The following THSD7A variants were observed in gnomAD, a reference collection of about 807,000 sequenced individuals.
The protein encoded by THSD7A is thrombospondin type-1 domain-containing protein 7A.
In THSD7A, 96 loss-of-function variants were observed where a neutral mutation model predicts 231.3. The ratio of observed to expected loss-of-function variants is 0.41; its 90% CI spans 0.35 to 0.49. The LOEUF is 0.49. THSD7A is among the 20% of genes least tolerant of loss of function. The probability of loss-of-function intolerance (pLI) is 0.05; values close to 1 mark genes in which losing one functional copy is unlikely to be tolerated. For synonymous variants in THSD7A, 940 were observed against 743.3 expected, an observed-to-expected ratio of 1.26 and a Z score of -4.30; for missense variants, 2,290 against 2,070.2, an observed-to-expected ratio of 1.11 and a Z score of -2.06.
intron 14 of THSD7A, among the ~76,000 whole-genome samples, chr7:11,427,826 A>C (rs1784368314): frequency 6.6e-6 from 1 of 152,172 alleles, no homozygotes; most frequent in Non-Finnish European, 1.5e-5. Flanking sequence ...TTAGAAATGC[A>C]AAATGCTCTG....
intron 26 of THSD7A, 130 bp from the exon 27 acceptor site, chr7:11,376,787 C>G (rs1782293009): frequency 1.9e-6 from 1 of 528,894 alleles, no homozygotes; most frequent in Non-Finnish European, 3.2e-6. Context: ...ATTGCTTCAG[C>G]ACAGTTAATG....
intron 16 of THSD7A, among the ~76,000 whole-genome samples, chr7:11,422,057 A>G (rs1356492384): frequency 6.6e-6 from 1 of 152,174 alleles, no homozygotes; most frequent in Non-Finnish European, 1.5e-5. Flanking sequence ...TATATTAGAG[A>G]TACACGGTGT....
At chr7:11,423,838 A>C (rs1047114114) in intron 16 of THSD7A, among the ~76,000 whole-genome samples, 2 of 152,206 alleles carry the variant, frequency 1.3e-5, no homozygotes, top group Non-Finnish European at 2.9e-5. Context: ...TTTGTTTCAT[A>C]GAGTTCTAGA....
chr7:11,487,555 G>T (rs574909448), intron 6 of THSD7A, among the ~76,000 whole-genome samples: 3 of 152,012 alleles, frequency 2.0e-5, no homozygotes, highest in Non-Finnish European at 4.4e-5. Context: ...TTTTCATGCT[G>T]CTAATCAAGA....
chr7:11,635,490 T>A (rs922711512), intron 2 of THSD7A, among the ~76,000 whole-genome samples: 6 of 152,214 alleles, frequency 3.9e-5, no homozygotes, highest in African/African-American at 1.4e-4. Context: ...TACCCAAAGA[T>A]AATTTGTTAA....
Position 11,590,165 on chromosome 7 carries a change from G to C in THSD7A, c.1453+295C>G, listed in dbSNP as rs576990344. ...TGTGTATATTTACAGATAAATTTTC[G>C]TCTAGTTTTTACATTATTCCTGCTA... On this transcript the variant is annotated intron_variant, in intron 4 of 27. Coordinates refer to ENST00000423059, the MANE Select transcript of THSD7A (RefSeq NM_015204.3). This position sits in a 1 kb window ranked among gnomAD's most constrained non-coding sequence, Gnocchi z 4.4. 3.3e-5 allele frequency among the ~76,000 whole-genome samples: 5 copies of C among 151,910 alleles called. No homozygotes were observed. Among genetic ancestry groups the C allele is most frequent in the African/African-American group, 9.7e-5 (4 of 41,344 alleles).
intron 1 of THSD7A, chr7:11,821,406 TTTTC>T (rs890958657): frequency 1.3e-4 from 44 of 343,306 alleles, no homozygotes; most frequent in East Asian, 2.6e-4. Context: ...AGCCCTTTTT[TTTTC>T]TTTTATTTTT....
At chr7:11,472,249 T>G (rs1319912427) in intron 8 of THSD7A, among the ~76,000 whole-genome samples, 2 of 152,128 alleles carry the variant, frequency 1.3e-5, no homozygotes, top group African/African-American at 4.8e-5. Flanking sequence ...AGAAATTGAT[T>G]TCCCCCCAAA....
At chr7:11,540,983 G>C (rs764656653) in intron 6 of THSD7A, among the ~76,000 whole-genome samples, 5 of 152,246 alleles carry the variant, frequency 3.3e-5, no homozygotes, top group Non-Finnish European at 5.9e-5. Context: ...CGATATCAGG[G>C]AGGTTAAAGG....
intron 6 of THSD7A, among the ~76,000 whole-genome samples, chr7:11,490,815 G>A (rs1259433168): frequency 6.6e-6 from 1 of 152,018 alleles, no homozygotes; most frequent in Admixed American, 6.6e-5. Flanking sequence ...CCCTTGAGCA[G>A]ATAATTTAAC....
chr7:11,423,287 T>A (rs778058827), intron 16 of THSD7A, among the ~76,000 whole-genome samples: 8 of 152,032 alleles, frequency 5.3e-5, no homozygotes, highest in African/African-American at 1.9e-4. Context: ...CTGAAGTAGA[T>A]TAAAACACCA....
intron 11 of THSD7A, among the ~76,000 whole-genome samples, chr7:11,449,024 T>A (rs578048081): frequency 5.3e-5 from 8 of 152,162 alleles, no homozygotes; most frequent in Non-Finnish European, 8.8e-5. Context: ...GGAGGACACA[T>A]CTGGTACTCT....
intron 2 of THSD7A, among the ~76,000 whole-genome samples, chr7:11,627,279 TAAA>T (rs1234183543): frequency 1.3e-5 from 2 of 151,980 alleles, no homozygotes; most frequent in African/African-American, 4.8e-5. Context: ...CATATTTACT[TAAA>T]AAAAGAAAGT....
intron 2 of THSD7A, among the ~76,000 whole-genome samples, chr7:11,630,126 T>C (rs1262344227): frequency 1.3e-5 from 2 of 152,242 alleles, no homozygotes; most frequent in Admixed American, 6.5e-5. Context: ...AAATGCTTTA[T>C]ATTCAAGTTT....
At chr7:11,700,862 A>T (rs1780574909) in intron 1 of THSD7A, among the ~76,000 whole-genome samples, 1 of 151,246 alleles carries the variant, frequency 6.6e-6, no homozygotes, top group Non-Finnish European at 1.5e-5. Flanking sequence ...CATAAGGCAA[A>T]AAAAATTGTT....
At chr7:11,657,290 T>C (rs748144412) in intron 1 of THSD7A, among the ~76,000 whole-genome samples, 33 of 151,906 alleles carry the variant, frequency 2.2e-4, no homozygotes, top group Admixed American at 5.3e-4. Flanking sequence ...TAGGTAGGAA[T>C]GCAAATCATG....
chr7:11,631,938 C>A (rs769846402), intron 2 of THSD7A, among the ~76,000 whole-genome samples: 1 of 152,108 alleles, frequency 6.6e-6, no homozygotes, highest in Non-Finnish European at 1.5e-5. Context: ...AGACTTCTAT[C>A]CTTAAAAAGG....
At chr7:11,800,465 G>C (rs6460846) in intron 1 of THSD7A, among the ~76,000 whole-genome samples, 11,428 of 152,046 alleles carry the variant, frequency 0.075, 1,419 homozygotes, top group African/African-American at 0.26. Context: ...AGGAGAATCG[G>C]TTGAACTCGG....
At chr7:11,384,304 CATAAGT>C (rs893242159) in intron 23 of THSD7A, 2 of 151,728 alleles carry the variant, frequency 1.3e-5, no homozygotes, top group African/African-American at 4.8e-5. Flanking sequence ...TAATTGGCTT[CATAAGT>C]ATATTTTTCA....
Sources: gnomAD v4.1 joint callset for allele counts (sites outside exome capture counted in the v4.1 genomes callset) on GRCh38, gnomAD v4.1.1 for gene constraint, Gnocchi (gnomAD v3.1) non-coding constraint, MANE v1.5 for transcripts, NCBI Gene and HGNC (gene_info 2026-07-23, HGNC 2026-07-21) for gene names.